Variants in RARG observed in about 807,000 individuals in gnomAD.
RARG encodes the protein RAR-gamma.
In RARG, 17 loss-of-function variants were observed where a neutral mutation model predicts 43.7. The ratio of observed to expected loss-of-function variants is 0.39; its 90% confidence interval spans 0.27 to 0.58. The LOEUF (loss-of-function observed/expected upper bound fraction) is 0.58, where lower values mean the gene tolerates loss of function less well. Ranked by LOEUF, RARG falls within the 20% of genes least tolerant of loss-of-function variation. The pLI is 0.57. For missense variants in RARG, 346 were observed against 598.7 expected (o/e 0.58, Z 4.40); for synonymous variants, 238 against 236.4 (o/e 1.01, Z -0.06).
intron 3 of RARG, among the ~76,000 whole-genome samples, chr12:53,216,837 T>TGCGC (rs1344475696): frequency 1.4e-5 from 2 of 139,496 alleles, no homozygotes; most frequent in Admixed American, 7.0e-5. Flanking sequence ...TGTGTGTGTG[T>TGCGC]GTGTGCGCGC....
In RARG at chr12:53,213,941, G is replaced by C. The variant is rs1172239286; in HGVS notation, c.813+118C>G. 9 of 1,253,536 alleles carry C rather than the reference G, an allele frequency of 7.2e-6. No individual in the cohort carries two copies. The Middle Eastern group carries it at 8.2e-4, about 114-fold the overall frequency. The allele number at this position is 1,253,536 out of a possible 1,614,324, so 77.7% of individuals were successfully genotyped here. A position where few individuals can be genotyped will look rare whatever the true frequency, so the allele number is the denominator to read the frequency against. On this transcript the variant is annotated intron_variant, in intron 7 of 9. Transcript: ENST00000425354. This position sits in a 1 kb window ranked among gnomAD's most constrained non-coding sequence, Gnocchi z 4.7. Reference sequence around the variant, plus strand: ...GAGGCTAAGACGAAAAGAGAGCTGAGGAGTCCCACATGTGTGGCAGGGGGT... The same window carrying C: ...GAGGCTAAGACGAAAAGAGAGCTGACGAGTCCCACATGTGTGGCAGGGGGT...
intron 1 of RARG, chr12:53,231,597 C>T (rs1417709792): frequency 2.6e-5 from 4 of 152,874 alleles, no homozygotes; most frequent in Non-Finnish European, 5.8e-5. Context: ...AAATCTACCC[C>T]TCAGAGCCCG....
chr12:53,214,707 A>G (rs985807334), intron 5 of RARG, 101 bp from the exon 6 acceptor site: 27 of 1,221,546 alleles, frequency 2.2e-5, no homozygotes, highest in Admixed American at 5.3e-5. Context: ...TATCATGAAT[A>G]TCTATTCTCT....
At chr12:53,212,950 G>T in intron 9 of RARG, 135 bp downstream of exon 9, 1 of 1,121,766 alleles carries the variant, frequency 8.9e-7, no homozygotes, top group Non-Finnish European at 1.2e-6. Flanking sequence ...CCACTACTAT[G>T]TGGCAGAGCT....
rs561211040 is a variant in RARG, at chr12:53,227,653, C to T, written c.-108G>A. Reference sequence around the variant, plus strand: ...CCCAGCCTGGGAGGCTCCGTACCCGCCCTGCCTGGCCTGCCCACTGGGCCT... The same window carrying T: ...CCCAGCCTGGGAGGCTCCGTACCCGTCCTGCCTGGCCTGCCCACTGGGCCT... On this transcript the variant is annotated 5_prime_UTR_variant, in exon 3 of 10. Transcript: ENST00000425354. The surrounding 1 kb of genome is among the most constrained non-coding windows in gnomAD (Gnocchi z 4.3). 60 of 1,345,102 alleles carry T rather than the reference C, an allele frequency of 4.5e-5. No homozygotes were observed. In the Middle Eastern group the frequency reaches 1.4e-3, roughly 31 times the overall value. 83.3% of individuals were successfully genotyped at this position (1,345,102 alleles called of 1,614,324 possible). A position where few individuals can be genotyped will look rare whatever the true frequency, so the allele number is the denominator to read the frequency against.
chr12:53,220,579 T>C (rs1942929637), intron 3 of RARG, among the ~76,000 whole-genome samples: 1 of 152,048 alleles, frequency 6.6e-6, no homozygotes, highest in Non-Finnish European at 1.5e-5. Context: ...AGAGTGAACA[T>C]ACATGTGAGC....
intron 3 of RARG, chr12:53,220,371 C>A: frequency 8.5e-7 from 1 of 1,177,000 alleles, no homozygotes; most frequent in Non-Finnish European, 1.0e-6. Flanking sequence ...CTGGGGAGAC[C>A]TTTTTTAAAA....
chr12:53,220,473 A>G (rs1462901011), intron 3 of RARG: 4 of 581,060 alleles, frequency 6.9e-6, no homozygotes, highest in African/African-American at 1.9e-5. Context: ...GCACACATAC[A>G]CATACGTACA....
chr12:53,218,003 C>G (rs1942825672), intron 3 of RARG, among the ~76,000 whole-genome samples: 1 of 152,114 alleles, frequency 6.6e-6, no homozygotes, highest in Non-Finnish European at 1.5e-5. Flanking sequence ...CTAGAACCCT[C>G]ACTGGATTCT....
intron 3 of RARG, among the ~76,000 whole-genome samples, chr12:53,223,757 C>T (rs1447238890): frequency 6.6e-6 from 1 of 152,222 alleles, no homozygotes; most frequent in Non-Finnish European, 1.5e-5. Flanking sequence ...GTAGCTGTCC[C>T]TTGTCTTGTC....
chr12:53,232,041 G>C lies in RARG; in HGVS notation c.-277C>G. On this transcript the variant is annotated 5_prime_UTR_variant, in exon 1 of 10. Coordinates refer to ENST00000425354, the MANE Select transcript of RARG (RefSeq NM_000966.6). Reference sequence around the variant, plus strand: ...CCGGCGTCGGGCAGTCTCTTGGATGGAGCGTCGCAATGTCCGGGGCTCGCC... The same window carrying C: ...CCGGCGTCGGGCAGTCTCTTGGATGCAGCGTCGCAATGTCCGGGGCTCGCC... 5.0e-6 allele frequency: 2 copies of C among 398,452 alleles called. No individual in the cohort carries two copies. The highest frequency in any genetic ancestry group is 3.6e-5 in the East Asian group (1 of 28,054). 24.7% of individuals were successfully genotyped at this position (398,452 alleles called of 1,614,324 possible).
chr12:53,213,630 T>C lies in RARG; in HGVS notation c.884A>G (p.Asn295Ser). ...GCCGGCATTGTGCATCTGGGTCCGG[T>C]TCAGGGTCAGCCCGTCGGAGAAGGT... Reference protein sequence around the residue: ...TMTFSDGLTLNRTQMHNAGFG... With the variant: ...TMTFSDGLTLSRTQMHNAGFG... The change falls in exon 8 of 10, where the codon AAC becomes AGC. Residue 295 changes from asparagine to serine, a missense_variant. Physicochemically the swap from Asn to Ser is conservative, Grantham distance 46. Coordinates refer to ENST00000425354, the MANE Select transcript of RARG (RefSeq NM_000966.6). This position sits in a 1 kb window ranked among gnomAD's most constrained non-coding sequence, Gnocchi z 4.7. 1.2e-6 allele frequency: 2 copies of C among 1,613,960 alleles called. No homozygotes were observed. Among genetic ancestry groups the C allele is most frequent in the Non-Finnish European group, 1.7e-6 (2 of 1,179,898 alleles).
At chr12:53,220,389 CTGGAGGGGTGGGGGGTGGGGCT>C in intron 3 of RARG, 3 of 996,310 alleles carry the variant, frequency 3.0e-6, no homozygotes, top group Non-Finnish European at 3.7e-6. Context: ...AAAGCGAAGC[CTGGAGGGGTGGGGGGTGGGGCT>C]TGGAGAGCGA....
At chr12:53,220,476 T>G (rs181482304) in intron 3 of RARG, 35 of 558,040 alleles carry the variant, frequency 6.3e-5, no homozygotes, top group African/African-American at 1.2e-4. Context: ...CACATACACA[T>G]ACGTACACTC....
intron 3 of RARG, among the ~76,000 whole-genome samples, chr12:53,219,482 G>A (rs1202028298): frequency 6.6e-6 from 1 of 152,216 alleles, no homozygotes; most frequent in Non-Finnish European, 1.5e-5. Context: ...AGCTGTCGCA[G>A]GCGACACTGG....
intron 3 of RARG, chr12:53,220,193 G>T (rs968121010): frequency 6.5e-7 from 1 of 1,545,994 alleles, no homozygotes; most frequent in South Asian, 1.2e-5. Flanking sequence ...CGCTCCAGCA[G>T]GGGGGGAGGG....
intron 2 of RARG, among the ~76,000 whole-genome samples, chr12:53,228,516 C>T (rs920402368): frequency 3.3e-5 from 5 of 152,160 alleles, no homozygotes; most frequent in African/African-American, 9.7e-5. Context: ...CCTCAACACT[C>T]CCTCTTCCAG....
Position 53,211,413 on chromosome 12 carries a change from T to TA in RARG, c.*262dup. 1 of 341,180 alleles carries TA rather than the reference T, an allele frequency of 2.9e-6. No homozygotes were observed. Among genetic ancestry groups the TA allele is most frequent in the East Asian group, 4.5e-5 (1 of 22,152 alleles). 21.1% of individuals were successfully genotyped at this position (341,180 alleles called of 1,614,324 possible). A position where few individuals can be genotyped will look rare whatever the true frequency, so the allele number is the denominator to read the frequency against. On this transcript the variant is annotated 3_prime_UTR_variant, in exon 10 of 10. Coordinates refer to ENST00000425354, the MANE Select transcript of RARG (RefSeq NM_000966.6). The surrounding 1 kb of genome is among the most constrained non-coding windows in gnomAD (Gnocchi z 4.6). ...GACCCATGGGGCAGTGCTGAGATTTTAGAGTCCAAACCCAGGCTCATCCCT... is the reference window on the plus strand; with the variant it reads ...GACCCATGGGGCAGTGCTGAGATTTTAAGAGTCCAAACCCAGGCTCATCCCT...
In RARG at chr12:53,211,835, C is replaced by A; in HGVS notation, c.1206G>T (p.Met402Ile). Residue 402 changes from methionine to isoleucine, a missense_variant, in exon 10 of 10, where the codon ATG becomes ATT. Physicochemically the swap from Met to Ile is conservative, Grantham distance 10 (BLOSUM62 1). Around this residue, in one of 8 missense-constraint regions of RARG, gnomAD observed 20 missense variants for 58.5 expected, o/e 0.34. Transcript: ENST00000425354. This position sits in a 1 kb window ranked among gnomAD's most constrained non-coding sequence, Gnocchi z 4.6. ...KGAERAITLK[M>I]EIPGPMPPLI... ...AGGGAGGCATCGGGCCTGGAATCTC[C>A]ATCTTCAGAGTAATGGCCCTTTCAG... The A allele has an allele frequency of 6.6e-7, 1 of 1,509,326 alleles. No homozygotes were observed. 93.5% of individuals were successfully genotyped at this position (1,509,326 alleles called of 1,614,324 possible).
Sources: gnomAD v4.1 joint callset for allele counts (sites outside exome capture counted in the v4.1 genomes callset) on GRCh38, gnomAD v4.1.1 for gene constraint, gnomAD v4.1.1 regional missense constraint, Gnocchi (gnomAD v3.1) non-coding constraint, MANE v1.5 for transcripts, NCBI Gene and HGNC (gene_info 2026-07-23, HGNC 2026-07-21) for gene names.